HIRA: variants seen among roughly 807,000 people sequenced by gnomAD.
The protein encoded by HIRA is histone cell cycle regulator.
HIRA carries 13 observed loss-of-function variants against 126.6 expected under a neutral mutation model. The ratio of observed to expected loss-of-function variants is 0.10; its 90% CI spans 0.07 to 0.16. The LOEUF (loss-of-function observed/expected upper bound fraction) is 0.16, where lower values mean the gene tolerates loss of function less well. HIRA is among the 10% of genes least tolerant of loss of function. HIRA has a pLI of 1.00. For synonymous variants in HIRA, 511 were observed against 520.0 expected, an observed-to-expected ratio of 0.98 and a Z score of 0.24; for missense variants, 834 against 1,314.4, an observed-to-expected ratio of 0.63 and a Z score of 5.65.
chr22:19,425,694 C>G (rs965305610), intron 1 of HIRA, among the ~76,000 whole-genome samples: 1 of 152,088 alleles, frequency 6.6e-6, no homozygotes, highest in Non-Finnish European at 1.5e-5. Context: ...GAAATAAATT[C>G]AGAGAGAGGC....
intron 13 of HIRA, 116 bp from the exon 14 acceptor site, chr22:19,378,182 A>G: frequency 1.5e-6 from 1 of 680,538 alleles, no homozygotes; most frequent in Non-Finnish European, 2.2e-6. Context: ...ATGATAGAAA[A>G]TCTGCAAAGT....
chr22:19,343,284 G>C (rs907247718), intron 24 of HIRA, among the ~76,000 whole-genome samples: 8 of 152,208 alleles, frequency 5.3e-5, no homozygotes, highest in African/African-American at 1.9e-4. Context: ...AGGTGCAGTG[G>C]CTCACACCTG....
intron 5 of HIRA, among the ~76,000 whole-genome samples, chr22:19,402,912 C>G (rs1007883225): frequency 7.9e-5 from 12 of 151,546 alleles, no homozygotes; most frequent in Admixed American, 6.6e-4. Flanking sequence ...TCAAGACCAG[C>G]CTGGGCAACA....
rs370769053 is a variant in HIRA at position 19,353,559 on chromosome 22, C to T, written c.2685-40G>A. ...AGAGTTTCCATGATGGGGCAGCAGG[C>T]ACTACACAGAGTCAGGAACTGCCCC... On this transcript the variant is annotated intron_variant, in intron 22 of 24. Transcript: ENST00000263208. The T allele has an allele frequency of 5.8e-6, 9 of 1,553,204 alleles. No homozygotes were observed. The African/African-American group carries it at 8.1e-5, about 14-fold the overall frequency.
intron 13 of HIRA, among the ~76,000 whole-genome samples, chr22:19,381,842 C>T (rs892379538): frequency 1.3e-5 from 2 of 152,168 alleles, no homozygotes; most frequent in African/African-American, 4.8e-5. Flanking sequence ...TTAACAGTTA[C>T]CTGAGTTACC....
intron 5 of HIRA, among the ~76,000 whole-genome samples, chr22:19,403,347 T>C (rs546580132): frequency 1.3e-5 from 2 of 152,280 alleles, no homozygotes; most frequent in African/African-American, 4.8e-5. Context: ...TGGTGACTCA[T>C]GCCTGTAATC....
chr22:19,332,786 A>C (rs1556004911), intron 24 of HIRA, among the ~76,000 whole-genome samples: 1 of 152,008 alleles, frequency 6.6e-6, no homozygotes. Context: ...GGAAAAAAAA[A>C]AAGACTAAAG....
rs772684277 is a variant in HIRA, at chr22:19,408,608, C to G, written c.101-15G>C. On this transcript the variant is annotated splice_polypyrimidine_tract_variant and intron_variant, in intron 2 of 24. Transcript: ENST00000263208. ...AGAATCCTGCCCTGGAACAAAGGAGCAGAAATGGCTGAATGTGCAAGGAGT... is the reference window on the plus strand; with the variant it reads ...AGAATCCTGCCCTGGAACAAAGGAGGAGAAATGGCTGAATGTGCAAGGAGT... The G allele has an allele frequency of 6.8e-7, 1 of 1,469,430 alleles. No individual in the cohort carries two copies. The highest frequency in any genetic ancestry group is 1.1e-5 in the South Asian group (1 of 88,136). 91.0% of individuals were successfully genotyped at this position (1,469,430 alleles called of 1,614,324 possible). A position where few individuals can be genotyped will look rare whatever the true frequency, so the allele number is the denominator to read the frequency against.
chr22:19,394,575 A>G (rs2146228160), intron 7 of HIRA, 66 bp from the exon 8 acceptor site: 1 of 1,516,824 alleles, frequency 6.6e-7, no homozygotes, highest in East Asian at 2.3e-5. Flanking sequence ...TCTGGCCTCG[A>G]GGATAAAGTT....
chr22:19,344,554 C>T (rs908042989), intron 24 of HIRA, among the ~76,000 whole-genome samples: 5 of 152,162 alleles, frequency 3.3e-5, no homozygotes, highest in African/African-American at 1.2e-4. Flanking sequence ...CATATAGCTT[C>T]TCTGATGTAT....
chr22:19,352,554 TAC>T (rs369237055), intron 23 of HIRA, among the ~76,000 whole-genome samples: 3 of 151,408 alleles, frequency 2.0e-5, no homozygotes, highest in East Asian at 1.9e-4. Flanking sequence ...CAAGTGTATG[TAC>T]ACACACACAC....
At chr22:19,427,317 T>G (rs1283504101) in intron 1 of HIRA, among the ~76,000 whole-genome samples, 2 of 152,240 alleles carry the variant, frequency 1.3e-5, no homozygotes, top group Non-Finnish European at 2.9e-5. Context: ...TGCAATCATA[T>G]AACCTCACCA....
intron 13 of HIRA, among the ~76,000 whole-genome samples, chr22:19,380,916 G>A (rs2089067277): frequency 6.6e-6 from 1 of 152,158 alleles, no homozygotes; most frequent in East Asian, 1.9e-4. Context: ...CAGCCACTGT[G>A]CCCAGTCGAT....
intron 24 of HIRA, among the ~76,000 whole-genome samples, chr22:19,348,398 GACATAAA>G (rs1177314765): frequency 9.2e-5 from 14 of 152,044 alleles, no homozygotes; most frequent in African/African-American, 3.4e-4. Flanking sequence ...AGAATTATCA[GACATAAA>G]ACTTTAAAAT....
chr22:19,350,187 T>C (rs1283365561), intron 24 of HIRA, among the ~76,000 whole-genome samples: 1 of 152,146 alleles, frequency 6.6e-6, no homozygotes, highest in Non-Finnish European at 1.5e-5. Context: ...ACACTACAGA[T>C]ACCTCTTCTC....
At chr22:19,414,487 T>A (rs1183440587) in intron 1 of HIRA, among the ~76,000 whole-genome samples, 1 of 152,076 alleles carries the variant, frequency 6.6e-6, no homozygotes, top group Admixed American at 6.6e-5. Flanking sequence ...CTCCAAAAAG[T>A]CTCTGGGCTT....
intron 24 of HIRA, among the ~76,000 whole-genome samples, chr22:19,346,741 C>A (rs1248353735): frequency 6.6e-6 from 1 of 152,164 alleles, no homozygotes; most frequent in East Asian, 1.9e-4. Context: ...TGTTCTCTCT[C>A]CTTCCCTGAT....
Position 19,331,513 on chromosome 22 carries a change from A to G in HIRA, c.2981T>C (p.Ile994Thr). The part of the protein sequence containing the change: ...RELLKELLPV[I>T]GQNLRFQRLF... ...GCGCTGGAATCGGAGGTTCTGCCCG[A>G]TGACTGGTAGCAGCTCCTTCAGCAG... Residue 994 changes from isoleucine to threonine, a missense_variant, in exon 25 of 25, where the codon ATC (isoleucine) becomes ACC (threonine). Physicochemically the swap from Ile to Thr is moderately conservative, Grantham distance 89. Transcript: ENST00000263208. 1 of 1,612,908 alleles carries G rather than the reference A, an allele frequency of 6.2e-7. No individual in the cohort carries two copies. The highest frequency in any genetic ancestry group is 8.5e-7 in the Non-Finnish European group (1 of 1,179,214).
At chr22:19,389,214 A>T (rs1455523708) in intron 9 of HIRA, among the ~76,000 whole-genome samples, 2 of 152,232 alleles carry the variant, frequency 1.3e-5, no homozygotes, top group Non-Finnish European at 2.9e-5. Flanking sequence ...CACAATAAGT[A>T]TGTCATTAAA....
Sources: allele counts gnomAD v4.1 joint callset (sites outside exome capture counted in the v4.1 genomes callset), GRCh38; gene constraint gnomAD v4.1.1; transcripts MANE v1.5; gene names NCBI Gene and HGNC (gene_info 2026-07-23, HGNC 2026-07-21).